Variants in DGKZ observed in about 807,000 individuals in gnomAD.
The protein encoded by DGKZ is DAG kinase zeta.
In DGKZ, 45 loss-of-function variants were observed where a neutral mutation model predicts 142.5. The ratio of observed to expected loss-of-function variants is 0.32; its 90% CI spans 0.25 to 0.40. The LOEUF (loss-of-function observed/expected upper bound fraction) is 0.40, where lower values mean the gene tolerates loss of function less well. Ranked by LOEUF, DGKZ falls within the 10% of genes least tolerant of loss-of-function variation. The probability of loss-of-function intolerance (pLI) is 1.00; values close to 1 mark genes in which losing one functional copy is unlikely to be tolerated. For missense variants in DGKZ, 755 were observed against 1,306.5 expected (o/e 0.58, Z 6.51); for synonymous variants, 442 against 527.0 (o/e 0.84, Z 2.21).
At chr11:46,350,133 C>G (rs1007659681) in intron 1 of DGKZ, among the ~76,000 whole-genome samples, 1 of 152,122 alleles carries the variant, frequency 6.6e-6, no homozygotes, top group East Asian at 1.9e-4. Flanking sequence ...ATAGTGGGGC[C>G]TTCAGAAATG....
chr11:46,352,260 G>A (rs935557341), intron 1 of DGKZ, among the ~76,000 whole-genome samples: 16 of 152,242 alleles, frequency 1.1e-4, no homozygotes. Flanking sequence ...AGGTGTGGAA[G>A]CAGCCCCTGG....
At chr11:46,357,669 C>T (rs902897262) in intron 1 of DGKZ, among the ~76,000 whole-genome samples, 5 of 152,236 alleles carry the variant, frequency 3.3e-5, no homozygotes, top group African/African-American at 9.6e-5. Flanking sequence ...CTAGACCTGG[C>T]CCCGGCCCCC....
In DGKZ at chr11:46,375,959, C is replaced by T. The variant is rs371856869; in HGVS notation, c.2011+8C>T. 52 of 1,610,386 alleles carry T rather than the reference C, an allele frequency of 3.2e-5. No homozygotes were observed. In the East Asian group the frequency reaches 4.7e-4, roughly 15 times the overall value. ...AGCAGCTCAAGGAGGCCTGTGAGTG[C>T]GGTGGGGCGGCCTGGCAGGGTGGCC... On this transcript the variant is annotated splice_region_variant and intron_variant, in intron 21 of 30. Transcript: ENST00000527911.
At chr11:46,369,614 T>C (rs1943715773) in intron 5 of DGKZ, 64 bp downstream of exon 5, 16 of 1,586,852 alleles carry the variant, frequency 1.0e-5, no homozygotes, top group Non-Finnish European at 1.4e-5. Flanking sequence ...CTCTGCGCAG[T>C]GCCTCTGGAG....
At chr11:46,366,777 ACCACGCTCTCTGGG>A (rs1565045914) in intron 1 of DGKZ, 20 of 1,548,420 alleles carry the variant, frequency 1.3e-5, no homozygotes, top group Non-Finnish European at 1.7e-5. Flanking sequence ...GCCGTATATG[ACCACGCTCTCTGGG>A]GCCTGCACGG....
chr11:46,365,866 G>A (rs945076440), intron 1 of DGKZ: 16 of 985,252 alleles, frequency 1.6e-5, no homozygotes, highest in Admixed American at 6.2e-5. Flanking sequence ...ATCAGCTTCC[G>A]GCAGGGCAGG....
chr11:46,377,024 G>A (rs1944629361), intron 24 of DGKZ, 49 bp from the exon 25 acceptor site: 2 of 1,547,946 alleles, frequency 1.3e-6, no homozygotes, highest in Non-Finnish European at 1.8e-6. Flanking sequence ...CTGCCCCTCG[G>A]CCCCCACCGT....
upstream of DGKZ, chr11:46,345,204 C>G (rs939289156): frequency 7.8e-6 from 10 of 1,275,458 alleles, no homozygotes; most frequent in African/African-American, 1.6e-5. The surrounding 1 kb of genome is among the most constrained non-coding windows in gnomAD (Gnocchi z 4.1). Context: ...ATGGCTGCCT[C>G]CTGGCTGCTG....
At chr11:46,368,666 G>T in intron 4 of DGKZ, 1 of 195,198 alleles carries the variant, frequency 5.1e-6, no homozygotes, top group South Asian at 8.1e-5. Context: ...CACACAGGCT[G>T]CTTTCCCCAG....
chr11:46,363,582 T>A (rs1276664267), intron 1 of DGKZ, among the ~76,000 whole-genome samples: 3 of 152,080 alleles, frequency 2.0e-5, no homozygotes, highest in East Asian at 3.9e-4. Flanking sequence ...CTCGAGGGGG[T>A]CCTGGCCCCT....
intron 4 of DGKZ, 79 bp from the exon 5 acceptor site, chr11:46,369,413 GGT>G: frequency 6.5e-7 from 1 of 1,546,724 alleles, no homozygotes; most frequent in Non-Finnish European, 8.9e-7. Context: ...GATGACTCTG[GGT>G]TGTCCTGGAG....
At chr11:46,380,548 TTTC>T (rs1003315056), downstream of DGKZ, 3 of 152,416 alleles carry the variant, frequency 2.0e-5, no homozygotes, top group African/African-American at 7.2e-5. Context: ...TGGATTTTTT[TTTC>T]TTTTCTGCTT....
intron 1 of DGKZ, among the ~76,000 whole-genome samples, chr11:46,355,275 A>AT (rs1941870610): frequency 1.3e-5 from 2 of 150,402 alleles, no homozygotes; most frequent in South Asian, 2.1e-4. Context: ...CGCCCGGCTA[A>AT]TTTTTTGTAT....
Position 46,372,275 on chromosome 11 carries a change from C to T in DGKZ, c.927+105C>T, listed in dbSNP as rs1944028631. 3.7e-6 allele frequency: 5 copies of T among 1,349,546 alleles called. No homozygotes were observed. The highest frequency in any genetic ancestry group is 1.8e-4 in the Middle Eastern group (1 of 5,440). The allele number at this position is 1,349,546 out of a possible 1,614,324, so 83.6% of individuals were successfully genotyped here. On this transcript the variant is annotated intron_variant, in intron 10 of 30. Transcript: ENST00000527911. The surrounding 1 kb of genome is among the most constrained non-coding windows in gnomAD (Gnocchi z 5.9). ...GCCCGTTTCTGGCTTCTACCCCAATCCCTCTTTCCCAGGGATCCTGAGAAA... is the reference window on the plus strand; with the variant it reads ...GCCCGTTTCTGGCTTCTACCCCAATTCCTCTTTCCCAGGGATCCTGAGAAA...
intron 1 of DGKZ, among the ~76,000 whole-genome samples, chr11:46,355,865 G>T (rs1294593700): frequency 6.6e-6 from 1 of 152,128 alleles, no homozygotes; most frequent in African/African-American, 2.4e-5. Context: ...ACCTGCCTCA[G>T]CCTCCCAAGT....
At chr11:46,351,118 A>G (rs1387652413) in intron 1 of DGKZ, among the ~76,000 whole-genome samples, 2 of 150,362 alleles carry the variant, frequency 1.3e-5, no homozygotes, top group African/African-American at 4.9e-5. Context: ...AGAGAAGTGG[A>G]CTCTCTCTCC....
intron 1 of DGKZ, among the ~76,000 whole-genome samples, chr11:46,336,670 G>A (rs1940031474): frequency 6.6e-6 from 1 of 152,154 alleles, no homozygotes; most frequent in Non-Finnish European, 1.5e-5. Flanking sequence ...CCTTGACTCA[G>A]GTGATCCTCC....
intron 1 of DGKZ, among the ~76,000 whole-genome samples, chr11:46,348,804 T>C (rs75848122): frequency 0.016 from 2,470 of 152,304 alleles, 22 homozygotes; most frequent in Non-Finnish European, 0.022. Context: ...CCTGCGCTTC[T>C]TCCTGACCGA....
upstream of DGKZ, among the ~76,000 whole-genome samples, chr11:46,344,613 C>T (rs187057247): frequency 3.9e-5 from 6 of 151,982 alleles, no homozygotes; most frequent in African/African-American, 1.2e-4. Context: ...GCCACCACGC[C>T]GGGCTAATTT....
Sources: gnomAD v4.1 joint callset for allele counts (sites outside exome capture counted in the v4.1 genomes callset) on GRCh38, gnomAD v4.1.1 for gene constraint, Gnocchi (gnomAD v3.1) non-coding constraint, MANE v1.5 for transcripts, NCBI Gene and HGNC (gene_info 2026-07-23, HGNC 2026-07-21) for gene names.